Variants in LRP1B observed in about 807,000 individuals in gnomAD.
LRP1B encodes the protein LDL receptor related protein 1B.
A neutral mutation model predicts 556.6 loss-of-function variants in LRP1B; 217 were observed. The ratio of observed to expected loss-of-function variants is 0.39; its 90% CI spans 0.35 to 0.44. The LOEUF is 0.44. LRP1B is among the 20% of genes least tolerant of loss of function. The probability of loss-of-function intolerance (pLI) is 1.00; values close to 1 mark genes in which losing one functional copy is unlikely to be tolerated. For missense variants in LRP1B, 5,053 were observed against 5,620.8 expected, an observed-to-expected ratio of 0.90 and a Z score of 3.23; for synonymous variants, 2,047 against 1,865.8, an observed-to-expected ratio of 1.10 and a Z score of -2.50.
intron 23 of LRP1B, among the ~76,000 whole-genome samples, chr2:140,886,859 C>T (rs1693652801): frequency 6.6e-6 from 1 of 151,824 alleles, no homozygotes; most frequent in Admixed American, 6.6e-5. Context: ...CCTGCAGAGT[C>T]CAAAAAAATC....
chr2:141,337,933 G>A (rs961657470), intron 3 of LRP1B, among the ~76,000 whole-genome samples: 2 of 152,126 alleles, frequency 1.3e-5, no homozygotes, highest in Non-Finnish European at 2.9e-5. Flanking sequence ...ATCTTGAATT[G>A]GGCCTGGTAT....
intron 2 of LRP1B, among the ~76,000 whole-genome samples, chr2:141,548,436 A>G (rs1274273070): frequency 6.6e-6 from 1 of 152,244 alleles, no homozygotes; most frequent in African/African-American, 2.4e-5. Context: ...TGGATTACAT[A>G]GGGTCATGCT....
intron 1 of LRP1B, among the ~76,000 whole-genome samples, chr2:141,997,413 ATATGTG>A (rs1392565340): frequency 1.9e-4 from 4 of 21,022 alleles, no homozygotes; most frequent in Admixed American, 8.3e-4. Flanking sequence ...ATAAATGTAT[ATATGTG>A]TGTGTGTGTG....
At chr2:141,997,442 TATACACACAC>T (rs1178773185) in intron 1 of LRP1B, among the ~76,000 whole-genome samples, 980 of 12,080 alleles carry the variant, frequency 0.081, 9 homozygotes, top group African/African-American at 0.1. Flanking sequence ...TGTGTGTGTA[TATACACACAC>T]ACACACACAC....
At chr2:141,210,962 T>G (rs754661024) in intron 6 of LRP1B, among the ~76,000 whole-genome samples, 1 of 151,826 alleles carries the variant, frequency 6.6e-6, no homozygotes, top group Non-Finnish European at 1.5e-5. Flanking sequence ...CACAGTAGAG[T>G]GCTAAGAGGT....
intron 15 of LRP1B, among the ~76,000 whole-genome samples, chr2:140,997,957 G>A (rs953870658): frequency 1.3e-5 from 2 of 152,006 alleles, no homozygotes; most frequent in African/African-American, 4.8e-5. Flanking sequence ...TCTTCTGTGA[G>A]TTCCTATGCA....
chr2:141,755,955 GTGT>G (rs753292551), intron 2 of LRP1B, among the ~76,000 whole-genome samples: 10 of 151,258 alleles, frequency 6.6e-5, no homozygotes, highest in Non-Finnish European at 1.3e-4. Flanking sequence ...ATATAAAATA[GTGT>G]TGTTCACACA....
At chr2:141,991,018 C>T (rs527707085) in intron 1 of LRP1B, among the ~76,000 whole-genome samples, 19 of 152,040 alleles carry the variant, frequency 1.2e-4, no homozygotes, top group Admixed American at 3.3e-4. Context: ...TTTCATTTTG[C>T]ACTTTTTCAG....
chr2:141,936,359 T>C (rs1211851401), intron 1 of LRP1B, among the ~76,000 whole-genome samples: 1 of 152,146 alleles, frequency 6.6e-6, no homozygotes, highest in East Asian at 1.9e-4. Context: ...TCACAATAAA[T>C]ATGATAGTTT....
chr2:141,482,254 A>T (rs746907868), intron 2 of LRP1B, among the ~76,000 whole-genome samples: 2 of 152,152 alleles, frequency 1.3e-5, no homozygotes, highest in Non-Finnish European at 2.9e-5. Flanking sequence ...ATTTTGTTGG[A>T]TGCTAAAACA....
intron 25 of LRP1B, among the ~76,000 whole-genome samples, chr2:140,883,406 T>A (rs1693534056): frequency 6.6e-6 from 1 of 152,128 alleles, no homozygotes; most frequent in Admixed American, 6.6e-5. Flanking sequence ...GTGGCTAACA[T>A]CTGTGACTAT....
chr2:141,762,573 T>G (rs575582836), intron 2 of LRP1B, among the ~76,000 whole-genome samples: 1 of 152,054 alleles, frequency 6.6e-6, no homozygotes, highest in African/African-American at 2.4e-5. Flanking sequence ...TTACTCCGTA[T>G]AGTGTGAAAA....
chr2:141,159,712 T>C (rs1211754800), intron 7 of LRP1B, among the ~76,000 whole-genome samples: 1 of 152,196 alleles, frequency 6.6e-6, no homozygotes, highest in African/African-American at 2.4e-5. Flanking sequence ...AAACATAGCC[T>C]CTGAAAATGA....
intron 51 of LRP1B, among the ~76,000 whole-genome samples, chr2:140,510,996 CTCT>C (rs1463207254): frequency 2.6e-5 from 4 of 151,694 alleles, no homozygotes; most frequent in South Asian, 4.2e-4. Context: ...GACCCTAAAT[CTCT>C]TTTTTTTTTT....
intron 41 of LRP1B, among the ~76,000 whole-genome samples, chr2:140,603,537 T>C (rs1574131852): frequency 6.6e-6 from 1 of 152,114 alleles, no homozygotes; most frequent in East Asian, 1.9e-4. Context: ...CCATCCTGAT[T>C]CTACATCTTC....
intron 35 of LRP1B, among the ~76,000 whole-genome samples, chr2:140,739,591 T>A (rs557302634): frequency 7.2e-5 from 11 of 152,334 alleles, no homozygotes; most frequent in African/African-American, 2.4e-4. Context: ...GAGTTTCTTA[T>A]CATGTTCATC....
chr2:140,897,479 C>T lies in LRP1B; in HGVS notation c.3766+5441G>A, dbSNP rs570873860. On this transcript the variant is annotated intron_variant, in intron 23 of 90. Transcript: ENST00000389484. Reference sequence around the variant, plus strand: ...GACTGTAATAGTTAATATTGAGGATCAACTTAATTGGACTGAAGGATGCAA... The same window carrying T: ...GACTGTAATAGTTAATATTGAGGATTAACTTAATTGGACTGAAGGATGCAA... 1.1e-4 allele frequency among the ~76,000 whole-genome samples: 17 copies of T among 152,232 alleles called. No homozygotes were observed. The East Asian group carries it at 2.7e-3, about 24-fold the overall frequency.
At position 140,843,067 on chromosome 2, in the gene LRP1B, GT is replaced by G. The variant is rs1232129942; in HGVS notation, c.4940-1976del. Among the ~76,000 whole-genome samples, 81 of 10,664 alleles carry G rather than the reference GT, an allele frequency of 7.6e-3. 3 individuals are homozygous for G. The highest frequency in any genetic ancestry group is 0.015 in the Non-Finnish European group (65 of 4,216). The allele number at this position is 10,664 out of a possible 152,430, so 7.0% of individuals were successfully genotyped here. On this transcript the variant is annotated intron_variant, in intron 29 of 90. Transcript: ENST00000389484. ...TGTTCTCCAAAGTGGTTTTTTTTTT[GT>G]TTTTTTTTTTTTGTTTGTTTTTTTT...
At chr2:140,909,505 T>A (rs1465982061) in intron 21 of LRP1B, among the ~76,000 whole-genome samples, 1 of 151,538 alleles carries the variant, frequency 6.6e-6, no homozygotes, top group Admixed American at 6.6e-5. Flanking sequence ...TATTCAACAT[T>A]GATAAAAATA....
Sources: allele counts gnomAD v4.1 joint callset (sites outside exome capture counted in the v4.1 genomes callset), GRCh38; gene constraint gnomAD v4.1.1; transcripts MANE v1.5; gene names NCBI Gene and HGNC (gene_info 2026-07-23, HGNC 2026-07-21).